C17orf50: variants seen among roughly 807,000 people sequenced by gnomAD.
C17orf50 encodes the protein uncharacterized protein C17orf50.
A neutral mutation model predicts 17.7 loss-of-function variants in C17orf50; 16 were observed. The observed-to-expected ratio is 0.90, with a 90% CI of 0.61 to 1.37. The LOEUF is 1.37. Ranked by LOEUF, C17orf50 falls within the 40% of genes most tolerant of loss-of-function variation. C17orf50 has a pLI of 0.00. For synonymous variants in C17orf50, 125 were observed against 111.0 expected, an observed-to-expected ratio of 1.13 and a Z score of -0.80; for missense variants, 271 against 240.7, an observed-to-expected ratio of 1.13 and a Z score of -0.83.
At chr17:35,763,983 C>T in intron 1 of C17orf50, 24 bp from the exon 2 acceptor site, 1 of 1,523,320 alleles carries the variant, frequency 6.6e-7, no homozygotes, top group South Asian at 1.2e-5. Context: ...AGCAGGACTG[C>T]CCTGACCTCC....
chr17:35,761,038 TCCAA>T (rs1371394884), intron 1 of C17orf50, 84 bp downstream of exon 1: 6 of 1,438,926 alleles, frequency 4.2e-6, no homozygotes, highest in Non-Finnish European at 5.6e-6. Flanking sequence ...CACCATGAAG[TCCAA>T]CCTTTTCTCA....
rs2085879278 is a variant in C17orf50, at chr17:35,763,997, C to T, written c.14-10C>T. 1 of 1,529,552 alleles carries T rather than the reference C, an allele frequency of 6.5e-7. No individual in the cohort carries two copies. Among genetic ancestry groups the T allele is most frequent in the Non-Finnish European group, 8.8e-7 (1 of 1,133,584 alleles). The allele number at this position is 1,529,552 out of a possible 1,614,324, so 94.7% of individuals were successfully genotyped here. Reference sequence around the variant, plus strand: ...CAGCAGGACTGCCCTGACCTCCTCCCGGCCCGCAGGTGTGAAGACCCCCTT... The same window carrying T: ...CAGCAGGACTGCCCTGACCTCCTCCTGGCCCGCAGGTGTGAAGACCCCCTT... On this transcript the variant is annotated splice_polypyrimidine_tract_variant and intron_variant, in intron 1 of 2. Coordinates refer to ENST00000605587, the MANE Select transcript of C17orf50 (RefSeq NM_145272.4).
intron 1 of C17orf50, among the ~76,000 whole-genome samples, chr17:35,761,367 T>C (rs2085816634): frequency 6.6e-6 from 1 of 151,612 alleles, no homozygotes; most frequent in Non-Finnish European, 1.5e-5. Flanking sequence ...CACCTTGGCC[T>C]CCCAAAGTCC....
intron 1 of C17orf50, 122 bp from the exon 2 acceptor site, chr17:35,763,885 A>C (rs2085874587): frequency 1.4e-6 from 1 of 726,730 alleles, no homozygotes; most frequent in Admixed American, 4.8e-5. Flanking sequence ...CTACAGAGAG[A>C]GACCCTGTCT....
chr17:35,764,822 G>A lies in C17orf50; in HGVS notation c.*204G>A. On this transcript the variant is annotated 3_prime_UTR_variant, in exon 3 of 3. Transcript: ENST00000605587. ...TCTGTCACCTAGCGCCCCCAGTGCA[G>A]AGCCCAGCATAACCTAGAGCCCGCT... is the stretch of plus-strand genomic sequence containing the variant. The A allele has an allele frequency of 1.8e-6, 1 of 549,100 alleles. No individual in the cohort carries two copies. Among genetic ancestry groups the A allele is most frequent in the Non-Finnish European group, 3.0e-6 (1 of 328,270 alleles). 34.0% of individuals were successfully genotyped at this position (549,100 alleles called of 1,614,324 possible).
rs1489436865 is a variant in C17orf50 at position 35,764,218 on chromosome 17, G to A, written c.225G>A (p.Gln75=). The A allele has an allele frequency of 6.5e-6, 10 of 1,547,124 alleles. No homozygotes were observed. Among genetic ancestry groups the A allele is most frequent in the Middle Eastern group, 2.2e-4 (1 of 4,514 alleles). ...CAGTGTCCTACTGCCCGCTGCGCCA[G>A]GAGTCCAGCACCCAGCAGGTGGCGC... The part of the protein sequence containing the change: ...RRSVSYCPLR[Q]ESSTQQVALL... The change falls in exon 2 of 3, where the codon CAG becomes CAA. Residue 75 remains glutamine, a synonymous_variant. Coordinates refer to ENST00000605587, the MANE Select transcript of C17orf50 (RefSeq NM_145272.4).
Position 35,762,854 on chromosome 17 carries a change from G to A in C17orf50, c.14-1153G>A, listed in dbSNP as rs142112565. ...TAAAATGGGATCAGTGGCCAGGCGC[G>A]GTGGCTCACGTCTGTAATCCTAGCA... is the stretch of plus-strand genomic sequence containing the variant. On this transcript the variant is annotated intron_variant, in intron 1 of 2. Coordinates refer to ENST00000605587, the MANE Select transcript of C17orf50 (RefSeq NM_145272.4). 3.3e-3 allele frequency among the ~76,000 whole-genome samples: 499 copies of A among 152,042 alleles called. 4 individuals are homozygous for A. The highest frequency in any genetic ancestry group is 0.011 in the African/African-American group (477 of 41,488).
chr17:35,763,801 G>A (rs1300730843), intron 1 of C17orf50, among the ~76,000 whole-genome samples: 1 of 151,978 alleles, frequency 6.6e-6, no homozygotes, highest in Admixed American at 6.5e-5. Flanking sequence ...GGAGGCTGAG[G>A]CAAAAGAATC....
chr17:35,764,162 G>C lies in C17orf50; in HGVS notation c.169G>C (p.Ala57Pro). Residue 57 changes from alanine (A) to proline (P), a missense_variant, in exon 2 of 3, where the codon GCG becomes CCG. Physicochemically the swap from Ala to Pro is conservative, Grantham distance 27. Coordinates refer to ENST00000605587, the MANE Select transcript of C17orf50 (RefSeq NM_145272.4). ...GGAGGGCGAGGAGCCGCCGCGGGTAGCGGAGGAGGGCGAAGGCCGCGAGCG... is the reference window on the plus strand; with the variant it reads ...GGAGGGCGAGGAGCCGCCGCGGGTACCGGAGGAGGGCGAAGGCCGCGAGCG... ...ATEGEEPPRV[A>P]EEGEGRERRS... The C allele has an allele frequency of 6.5e-7, 1 of 1,548,838 alleles. No individual in the cohort carries two copies. The highest frequency in any genetic ancestry group is 8.7e-7 in the Non-Finnish European group (1 of 1,146,718).
At chr17:35,761,013 G>T in intron 1 of C17orf50, 59 bp downstream of exon 1, 1 of 1,567,376 alleles carries the variant, frequency 6.4e-7, no homozygotes, top group Non-Finnish European at 8.6e-7. Context: ...CCCTAGCTTG[G>T]ACAATCCAGC....
intron 1 of C17orf50, 109 bp downstream of exon 1, chr17:35,761,063 C>A: frequency 1.7e-6 from 2 of 1,195,992 alleles, no homozygotes; most frequent in Non-Finnish European, 2.3e-6. Context: ...GTTACCCATC[C>A]ATGTAGCTGC....
At chr17:35,761,213 C>T (rs1428246133) in intron 1 of C17orf50, among the ~76,000 whole-genome samples, 7 of 150,158 alleles carry the variant, frequency 4.7e-5, no homozygotes, top group South Asian at 2.1e-4. Context: ...AAGTGATTCT[C>T]GTTCCTCAGC....
chr17:35,764,158 G>C lies in C17orf50; in HGVS notation c.165G>C (p.Arg55=). ...CGACGGAGGGCGAGGAGCCGCCGCGGGTAGCGGAGGAGGGCGAAGGCCGCG... is the reference window on the plus strand; with the variant it reads ...CGACGGAGGGCGAGGAGCCGCCGCGCGTAGCGGAGGAGGGCGAAGGCCGCG... ...DSATEGEEPP[R]VAEEGEGRER... is the part of the protein sequence containing the mutation. Residue 55 remains arginine, a synonymous_variant, in exon 2 of 3, where the codon CGG becomes CGC. Coordinates refer to ENST00000605587, the MANE Select transcript of C17orf50 (RefSeq NM_145272.4). 3.9e-6 allele frequency: 6 copies of C among 1,549,000 alleles called. No individual in the cohort carries two copies. Among genetic ancestry groups the C allele is most frequent in the Non-Finnish European group, 5.2e-6 (6 of 1,146,710 alleles).
chr17:35,764,038 G>A lies in C17orf50; in HGVS notation c.45G>A (p.Thr15=). The change falls in exon 2 of 3, where the codon ACG becomes ACA. Residue 15 remains threonine, a synonymous_variant. Coordinates refer to ENST00000605587, the MANE Select transcript of C17orf50 (RefSeq NM_145272.4). ...AGACCCCCTTGTGGAAGAAGGAAACGGAAGAGCTCCGGGCCGAGGACGCGG... is the reference window on the plus strand; with the variant it reads ...AGACCCCCTTGTGGAAGAAGGAAACAGAAGAGCTCCGGGCCGAGGACGCGG... The part of the protein sequence containing the change: ...GVKTPLWKKE[T]EELRAEDAEQ... 5 of 1,547,684 alleles carry A rather than the reference G, an allele frequency of 3.2e-6. No individual in the cohort carries two copies. The highest frequency in any genetic ancestry group is 2.6e-6 in the Non-Finnish European group (3 of 1,145,226).
At chr17:35,761,066 G>T in intron 1 of C17orf50, 112 bp downstream of exon 1, 9 of 1,088,170 alleles carry the variant, frequency 8.3e-6, no homozygotes, top group South Asian at 1.8e-5. Context: ...ACCCATCCAT[G>T]TAGCTGCAAG....
chr17:35,764,160 T>C lies in C17orf50; in HGVS notation c.167T>C (p.Val56Ala). Residue 56 changes from valine to alanine, a missense_variant, in exon 2 of 3, where the codon GTA (valine) becomes GCA (alanine). By Grantham distance (64) the Val-to-Ala change is moderately conservative. Transcript: ENST00000605587. ...SATEGEEPPRVAEEGEGRERR... is the reference protein window; with the variant it reads ...SATEGEEPPRAAEEGEGRERR... ...ACGGAGGGCGAGGAGCCGCCGCGGG[T>C]AGCGGAGGAGGGCGAAGGCCGCGAG... 1 of 1,548,340 alleles carries C rather than the reference T, an allele frequency of 6.5e-7. No individual in the cohort carries two copies. Among genetic ancestry groups the C allele is most frequent in the Non-Finnish European group, 8.7e-7 (1 of 1,146,552 alleles).
intron 1 of C17orf50, among the ~76,000 whole-genome samples, chr17:35,762,428 A>G (rs1555601705): frequency 6.6e-6 from 1 of 152,118 alleles, no homozygotes; most frequent in Non-Finnish European, 1.5e-5. Context: ...TGTTTGCTGA[A>G]TGGGCGGCGG....
At chr17:35,761,278 A>G (rs1235267808) in intron 1 of C17orf50, among the ~76,000 whole-genome samples, 1 of 150,768 alleles carries the variant, frequency 6.6e-6, no homozygotes, top group Non-Finnish European at 1.5e-5. Flanking sequence ...TAATTTTTGT[A>G]TTTTGTATTT....
In C17orf50 at chr17:35,764,419, C is replaced by A; in HGVS notation, c.333-7C>A. On this transcript the variant is annotated splice_polypyrimidine_tract_variant and splice_region_variant and intron_variant, in intron 2 of 2. Transcript: ENST00000605587. The stretch of plus-strand genomic sequence containing the variant: ...CCAGGCACTGAGCGCCTGGTCCCCG[C>A]CGGCAGGAAGCGGAGCCTCCCGGAG... 2 of 1,527,556 alleles carry A rather than the reference C, an allele frequency of 1.3e-6. No homozygotes were observed. The highest frequency in any genetic ancestry group is 2.1e-5 in the Admixed American group (1 of 47,966). 94.6% of individuals were successfully genotyped at this position (1,527,556 alleles called of 1,614,324 possible).
Sources: gnomAD v4.1 joint callset for allele counts (sites outside exome capture counted in the v4.1 genomes callset) on GRCh38, gnomAD v4.1.1 for gene constraint, MANE v1.5 for transcripts, NCBI Gene and HGNC (gene_info 2026-07-23, HGNC 2026-07-21) for gene names.